The following CADM2 variants were observed in gnomAD, a reference collection of about 807,000 sequenced individuals.
The protein encoded by CADM2 is immunoglobulin superfamily member 4D.
A neutral mutation model predicts 49.8 loss-of-function variants in CADM2; 12 were observed. That is an observed-to-expected ratio of 0.24 (90% CI 0.15 to 0.39). CADM2 has a LOEUF of 0.39. Ranked by LOEUF, CADM2 falls within the 10% of genes least tolerant of loss-of-function variation. The probability of loss-of-function intolerance (pLI) is 1.00; values close to 1 mark genes in which losing one functional copy is unlikely to be tolerated. For synonymous variants in CADM2, 214 were observed against 175.4 expected, an observed-to-expected ratio of 1.22 and a Z score of -1.74; for missense variants, 378 against 492.3, an observed-to-expected ratio of 0.77 and a Z score of 2.20.
chr3:85,029,517 G>T (rs769614140), intron 1 of CADM2, among the ~76,000 whole-genome samples: 1 of 152,144 alleles, frequency 6.6e-6, no homozygotes, highest in Non-Finnish European at 1.5e-5. Context: ...AGCAAAAAAG[G>T]GTTTATCTTG....
chr3:85,448,440 C>T (rs981735300), intron 1 of CADM2, among the ~76,000 whole-genome samples: 1 of 151,730 alleles, frequency 6.6e-6, no homozygotes, highest in African/African-American at 2.4e-5. Flanking sequence ...CGTTGTTCTG[C>T]ACCGTTTATC....
chr3:85,818,132 C>G (rs1229423820), intron 3 of CADM2, among the ~76,000 whole-genome samples: 1 of 151,930 alleles, frequency 6.6e-6, no homozygotes, highest in Non-Finnish European at 1.5e-5. Context: ...ACCCTGTGTT[C>G]TTAGTGCTGT....
chr3:85,161,444 C>G (rs1423052731), intron 1 of CADM2, among the ~76,000 whole-genome samples: 1 of 152,116 alleles, frequency 6.6e-6, no homozygotes, highest in African/African-American at 2.4e-5. Flanking sequence ...GGGATCCCCA[C>G]TTATGAAGCT....
intron 1 of CADM2, among the ~76,000 whole-genome samples, chr3:85,530,867 TACACACACACAC>T (rs71617940): frequency 1.4e-3 from 185 of 136,936 alleles, no homozygotes; most frequent in Admixed American, 1.2e-3. Flanking sequence ...TATGTAAAAA[TACACACACACAC>T]ACACACACAC....
chr3:85,489,285 C>T (rs919520427), intron 1 of CADM2, among the ~76,000 whole-genome samples: 14 of 151,842 alleles, frequency 9.2e-5, no homozygotes, highest in African/African-American at 2.9e-4. Context: ...AACTTTGTTC[C>T]GATGTGATTA....
intron 8 of CADM2, among the ~76,000 whole-genome samples, chr3:86,032,282 T>C (rs912279534): frequency 1.3e-5 from 2 of 151,808 alleles, no homozygotes; most frequent in Non-Finnish European, 3.0e-5. Context: ...TGTATGCCAG[T>C]TATCAAACAG....
intron 6 of CADM2, among the ~76,000 whole-genome samples, chr3:85,922,568 G>T (rs1284337518): frequency 6.6e-6 from 1 of 151,578 alleles, no homozygotes; most frequent in Non-Finnish European, 1.5e-5. Flanking sequence ...GCAATAATTG[G>T]CATGCATGAT....
At chr3:85,748,678 A>G (rs933314459) in intron 2 of CADM2, among the ~76,000 whole-genome samples, 8 of 152,058 alleles carry the variant, frequency 5.3e-5, no homozygotes, top group African/African-American at 1.9e-4. Flanking sequence ...AATCCCATTT[A>G]GGGGGGTTTC....
At chr3:85,276,066 A>G (rs2043349968) in intron 1 of CADM2, among the ~76,000 whole-genome samples, 1 of 151,402 alleles carries the variant, frequency 6.6e-6, no homozygotes, top group Non-Finnish European at 1.5e-5. Context: ...GCTTATTATG[A>G]AATGATATCT....
chr3:85,533,841 T>C (rs2061371337), intron 1 of CADM2, among the ~76,000 whole-genome samples: 1 of 152,156 alleles, frequency 6.6e-6, no homozygotes, highest in African/African-American at 2.4e-5. Flanking sequence ...TTAGTTTAAA[T>C]TCTGGTCAAT....
intron 1 of CADM2, among the ~76,000 whole-genome samples, chr3:85,448,663 C>T (rs1467663619): frequency 6.6e-6 from 1 of 151,932 alleles, no homozygotes; most frequent in East Asian, 1.9e-4. Context: ...TTAAACAGGT[C>T]TGACTTTGAC....
intron 3 of CADM2, among the ~76,000 whole-genome samples, chr3:85,806,583 T>G (rs1052565870): frequency 1.3e-5 from 2 of 152,072 alleles, no homozygotes; most frequent in African/African-American, 4.8e-5. Flanking sequence ...TAGGGGTCTC[T>G]GTCAGTGACT....
intron 2 of CADM2, among the ~76,000 whole-genome samples, chr3:85,774,906 A>ATATAGTTATATATATAT (rs1204490225): frequency 9.9e-5 from 15 of 151,740 alleles, no homozygotes; most frequent in African/African-American, 3.6e-4. Context: ...TTTTCATGAT[A>ATATAGTTATATATATAT]CACATGTATA....
At chr3:85,889,551 A>G (rs536781150) in intron 5 of CADM2, among the ~76,000 whole-genome samples, 99 of 152,308 alleles carry the variant, frequency 6.5e-4, no homozygotes, top group African/African-American at 2.4e-3. Context: ...TAAACTATAC[A>G]GAAGTCCTGC....
In CADM2 at chr3:85,283,754, T is replaced by C. The variant is rs375072089; in HGVS notation, c.61+324086T>C. Among the ~76,000 whole-genome samples the C allele has an allele frequency of 1.8e-3, 275 of 152,242 alleles. 1 individual carries two copies. The highest frequency in any genetic ancestry group is 6.3e-3 in the African/African-American group (263 of 41,586). On this transcript the variant is annotated intron_variant, in intron 1 of 9. Transcript: ENST00000383699. ...TAGAAAATATCTGCAATGTACATTA[T>C]GTATTTAGAATGTGAAGTCAAGTCC...
chr3:85,073,470 T>TTTG (rs771004864), intron 1 of CADM2, among the ~76,000 whole-genome samples: 12 of 152,110 alleles, frequency 7.9e-5, no homozygotes, highest in East Asian at 5.8e-4. Context: ...TTCAAAATAA[T>TTTG]TTGTTAAAAA....
intron 1 of CADM2, among the ~76,000 whole-genome samples, chr3:85,245,622 C>A (rs1336169965): frequency 1.3e-5 from 2 of 152,056 alleles, no homozygotes; most frequent in African/African-American, 4.8e-5. Context: ...CAGGTGGTCT[C>A]CTGTGGAATT....
intron 1 of CADM2, among the ~76,000 whole-genome samples, chr3:85,514,340 T>C: frequency 6.6e-6 from 1 of 152,082 alleles, no homozygotes; most frequent in East Asian, 1.9e-4. Flanking sequence ...CCTACATAAT[T>C]GTAACTGATC....
chr3:85,799,479 A>G (rs981109448), intron 2 of CADM2, among the ~76,000 whole-genome samples: 1 of 152,126 alleles, frequency 6.6e-6, no homozygotes, highest in Non-Finnish European at 1.5e-5. Flanking sequence ...TTTTAGCATG[A>G]AGGGGTGTTG....
Sources: allele counts gnomAD v4.1 joint callset (sites outside exome capture counted in the v4.1 genomes callset), GRCh38; gene constraint gnomAD v4.1.1; transcripts MANE v1.5; gene names NCBI Gene and HGNC (gene_info 2026-07-23, HGNC 2026-07-21).